ZFAND6: variants seen among roughly 807,000 people sequenced by gnomAD.
The protein encoded by ZFAND6 is AN1-type zinc finger protein 6.
A neutral mutation model predicts 24.5 loss-of-function variants in ZFAND6; 12 were observed. That is an observed-to-expected ratio of 0.49 (90% CI 0.31 to 0.79). The LOEUF (loss-of-function observed/expected upper bound fraction) is 0.79. Ranked by LOEUF, ZFAND6 falls within the 30% of genes least tolerant of loss-of-function variation. ZFAND6 has a pLI of 0.04. For missense variants in ZFAND6, 207 were observed against 245.9 expected (o/e 0.84, Z 1.06); for synonymous variants, 92 against 81.5 (o/e 1.13, Z -0.69).
intron 2 of ZFAND6, among the ~76,000 whole-genome samples, chr15:80,101,698 A>C (rs968990004): frequency 2.0e-5 from 3 of 152,072 alleles, no homozygotes. Context: ...TATCAGATAT[A>C]ACTCCACCAA....
intron 1 of ZFAND6, among the ~76,000 whole-genome samples, chr15:80,091,515 A>G (rs1054165529): frequency 6.6e-6 from 1 of 152,156 alleles, no homozygotes; most frequent in Admixed American, 6.5e-5. Flanking sequence ...TGTTATGAAA[A>G]CTAAAAAGTG....
intron 2 of ZFAND6, among the ~76,000 whole-genome samples, chr15:80,102,936 A>G (rs1215041670): frequency 1.3e-5 from 2 of 152,236 alleles, no homozygotes; most frequent in Non-Finnish European, 2.9e-5. Context: ...TTGGAAAATC[A>G]TATGTAATTG....
chr15:80,105,420 G>A (rs575738239), intron 2 of ZFAND6, among the ~76,000 whole-genome samples: 3 of 152,150 alleles, frequency 2.0e-5, no homozygotes, highest in East Asian at 3.9e-4. Context: ...AAGGAGTCTT[G>A]GATTTATGAC....
At chr15:80,088,336 G>A (rs1226408075) in intron 1 of ZFAND6, among the ~76,000 whole-genome samples, 1 of 152,074 alleles carries the variant, frequency 6.6e-6, no homozygotes. Context: ...TTAGGGCCAA[G>A]GTGGGTGGAT....
At chr15:80,113,452 A>C (rs1418261417) in intron 2 of ZFAND6, among the ~76,000 whole-genome samples, 1 of 152,242 alleles carries the variant, frequency 6.6e-6, no homozygotes, top group East Asian at 1.9e-4. Context: ...CTTTGGACTA[A>C]TTCATCATTA....
chr15:80,069,406 C>G (rs2036845274), intron 1 of ZFAND6, among the ~76,000 whole-genome samples: 1 of 152,004 alleles, frequency 6.6e-6, no homozygotes. Context: ...TAGAAAGATA[C>G]CTTATCCTAT....
intron 2 of ZFAND6, among the ~76,000 whole-genome samples, chr15:80,103,832 AATG>A (rs1178710728): frequency 6.6e-6 from 1 of 152,168 alleles, no homozygotes; most frequent in African/African-American, 2.4e-5. Context: ...GATAAGCCTG[AATG>A]ATAAGTTCAT....
At chr15:80,111,654 T>C in intron 2 of ZFAND6, 1 of 334,312 alleles carries the variant, frequency 3.0e-6, no homozygotes, top group Non-Finnish European at 6.0e-6. Context: ...AAGTTTTTAA[T>C]AAAGTTTTCT....
chr15:80,131,499 T>G (rs899013519), intron 6 of ZFAND6: 1 of 467,374 alleles, frequency 2.1e-6, no homozygotes, highest in Non-Finnish European at 3.7e-6. Context: ...AAAAAAAGTT[T>G]TATTTCAGTT....
chr15:80,074,224 A>G (rs1279702497), intron 1 of ZFAND6, among the ~76,000 whole-genome samples: 4 of 151,928 alleles, frequency 2.6e-5, no homozygotes, highest in African/African-American at 9.7e-5. Flanking sequence ...TCTGGATATT[A>G]AAATCAGCTG....
intron 5 of ZFAND6, among the ~76,000 whole-genome samples, chr15:80,123,889 A>T (rs559415543): frequency 6.6e-6 from 1 of 152,122 alleles, no homozygotes; most frequent in South Asian, 2.1e-4. Flanking sequence ...GGTCTCAAGA[A>T]TTAAATAAAC....
At chr15:80,106,662 A>G (rs1308140730) in intron 2 of ZFAND6, among the ~76,000 whole-genome samples, 1 of 150,390 alleles carries the variant, frequency 6.6e-6, no homozygotes, top group African/African-American at 2.5e-5. Flanking sequence ...GCATATTTTA[A>G]TTCATGTTGA....
intron 2 of ZFAND6, among the ~76,000 whole-genome samples, chr15:80,117,606 T>C (rs2039938651): frequency 6.6e-6 from 1 of 152,230 alleles, no homozygotes; most frequent in Non-Finnish European, 1.5e-5. Context: ...TTCAGTCAGC[T>C]CACAACTCAA....
At chr15:80,085,595 C>T (rs537331919) in intron 1 of ZFAND6, among the ~76,000 whole-genome samples, 4 of 152,232 alleles carry the variant, frequency 2.6e-5, no homozygotes, top group African/African-American at 4.8e-5. Flanking sequence ...AAAAAACACT[C>T]ATCATCTAAC....
intron 6 of ZFAND6, among the ~76,000 whole-genome samples, chr15:80,133,153 T>G (rs555205125): frequency 6.6e-6 from 1 of 152,106 alleles, no homozygotes; most frequent in South Asian, 2.1e-4. Context: ...GCTGGAGACT[T>G]TAATGCCAGC....
intron 2 of ZFAND6, among the ~76,000 whole-genome samples, chr15:80,108,073 TA>T (rs764943781): frequency 3.3e-5 from 5 of 152,188 alleles, no homozygotes; most frequent in Non-Finnish European, 5.9e-5. Context: ...ACCTACTTAA[TA>T]GGACTATTAT....
chr15:80,113,653 C>G (rs1273519868), intron 2 of ZFAND6, among the ~76,000 whole-genome samples: 1 of 152,050 alleles, frequency 6.6e-6, no homozygotes, highest in East Asian at 1.9e-4. Context: ...CAGAATATAG[C>G]CGTTTTTTGC....
At chr15:80,116,505 A>T (rs999149193) in intron 2 of ZFAND6, among the ~76,000 whole-genome samples, 13 of 152,212 alleles carry the variant, frequency 8.5e-5, no homozygotes, top group African/African-American at 2.9e-4. Flanking sequence ...CAGATTTTTT[A>T]AAAAGTCTGC....
intron 6 of ZFAND6, among the ~76,000 whole-genome samples, chr15:80,136,767 CT>C (rs1178811835): frequency 6.6e-6 from 1 of 152,166 alleles, no homozygotes; most frequent in African/African-American, 2.4e-5. Flanking sequence ...TAAAGACTGG[CT>C]GCACCCATTA....
Sources: gnomAD v4.1 joint callset for allele counts (sites outside exome capture counted in the v4.1 genomes callset) on GRCh38, gnomAD v4.1.1 for gene constraint, MANE v1.5 for transcripts, NCBI Gene and HGNC (gene_info 2026-07-23, HGNC 2026-07-21) for gene names.